ANKRD27: variants seen among roughly 807,000 people sequenced by gnomAD.
The protein encoded by ANKRD27 is ankyrin repeat domain-containing protein 27.
A neutral mutation model predicts 129.7 loss-of-function variants in ANKRD27; 112 were observed. The ratio of observed to expected loss-of-function variants is 0.86; its 90% CI spans 0.74 to 1.01. The LOEUF (loss-of-function observed/expected upper bound fraction) is 1.01, where lower values mean the gene tolerates loss of function less well. Among genes scored for constraint, ANKRD27 ranks in the 50% least tolerant of loss-of-function variants. The pLI, the probability that ANKRD27 is intolerant of heterozygous loss-of-function variation, is 0.00. For synonymous variants in ANKRD27, 516 were observed against 511.2 expected (o/e 1.01, Z -0.13); for missense variants, 1,258 against 1,300.5 (o/e 0.97, Z 0.50).
chr19:32,669,045 C>T (rs951895872), intron 1 of ANKRD27, among the ~76,000 whole-genome samples: 15 of 151,952 alleles, frequency 9.9e-5, no homozygotes, highest in African/African-American at 3.6e-4. Flanking sequence ...CTCCTGGCCT[C>T]AAGTAATCCT....
At chr19:32,656,758 C>T (rs774863113) in intron 2 of ANKRD27, among the ~76,000 whole-genome samples, 10 of 150,208 alleles carry the variant, frequency 6.7e-5, no homozygotes, top group Admixed American at 1.3e-4. Flanking sequence ...GTATTCTAGC[C>T]CAGGCTGGGG....
chr19:32,608,738 G>A (rs902843217), intron 22 of ANKRD27, among the ~76,000 whole-genome samples: 1 of 152,102 alleles, frequency 6.6e-6, no homozygotes, highest in South Asian at 2.1e-4. Context: ...GATCACCTGA[G>A]GTCAGGAGTT....
At position 32,628,022 on chromosome 19, in the gene ANKRD27, TCA is replaced by T. The variant is rs1199043293; in HGVS notation, c.1420+59_1420+60del. On this transcript the variant is annotated intron_variant, in intron 15 of 28. Coordinates refer to ENST00000306065, the MANE Select transcript of ANKRD27 (RefSeq NM_032139.3). ...CCATCAGCCAGGCCTCTCTGCTGGG[TCA>T]CCTTGGGCACCATCCCTTTGCTGTG... 2.8e-5 allele frequency: 43 copies of T among 1,510,716 alleles called. No individual in the cohort carries two copies. The Admixed American group carries it at 4.9e-4, about 17-fold the overall frequency. 93.6% of individuals were successfully genotyped at this position (1,510,716 alleles called of 1,614,324 possible).
Position 32,658,250 on chromosome 19 carries a change from G to A in ANKRD27, c.102+664C>T, listed in dbSNP as rs558396347. On this transcript the variant is annotated intron_variant, in intron 2 of 28. Transcript: ENST00000306065. ...CACCCGGGACACTGTGTCCCCCAGT[G>A]CCGTCTAAGTAGGATGCCCGCCAAG... 3.3e-5 allele frequency among the ~76,000 whole-genome samples: 5 copies of A among 152,272 alleles called. No homozygotes were observed. In the South Asian group the frequency reaches 8.3e-4, roughly 25 times the overall value.
At position 32,598,199 on chromosome 19, in the gene ANKRD27, C is replaced by G. The variant is rs777906137; in HGVS notation, c.3099G>C (p.Pro1033=). The G allele has an allele frequency of 6.2e-7, 1 of 1,614,112 alleles. No homozygotes were observed. The highest frequency in any genetic ancestry group is 8.5e-7 in the Non-Finnish European group (1 of 1,180,028). ...TVEDAVVSQG[P]EAAGPLSTPQ... ...GAGTGGAGAGGGGGCCAGCAGCCTC[C>G]GGGCCCTGGGACACGACCGCATCCT... The change falls in exon 29 of 29, where the codon CCG becomes CCC. Residue 1033 remains proline (P), a synonymous_variant. Coordinates refer to ENST00000306065, the MANE Select transcript of ANKRD27 (RefSeq NM_032139.3).
chr19:32,626,971 C>T, intron 15 of ANKRD27, 144 bp from the exon 16 acceptor site: 1 of 589,782 alleles, frequency 1.7e-6, no homozygotes, highest in Non-Finnish European at 3.0e-6. Context: ...AGAGGAACTA[C>T]AGCTAATATA....
chr19:32,608,050 G>T (rs1183282154), intron 22 of ANKRD27, among the ~76,000 whole-genome samples: 1 of 151,756 alleles, frequency 6.6e-6, no homozygotes, highest in Non-Finnish European at 1.5e-5. Flanking sequence ...GCCCAGGCTG[G>T]AGTGCAGTGG....
At chr19:32,642,167 G>A in intron 9 of ANKRD27, 22 bp from the exon 10 acceptor site, 1 of 1,567,572 alleles carries the variant, frequency 6.4e-7, no homozygotes, top group Non-Finnish European at 8.7e-7. Context: ...TTTGGAAAGT[G>A]ACAACTTCAG....
In ANKRD27 at chr19:32,659,005, T is replaced by C; in HGVS notation, c.11A>G (p.Tyr4Cys). 1.2e-6 allele frequency: 2 copies of C among 1,613,614 alleles called. No homozygotes were observed. Among genetic ancestry groups the C allele is most frequent in the Non-Finnish European group, 1.7e-6 (2 of 1,179,656 alleles). MAL[Y>C]DEDLLKNPFY... ...AGGATTTTTCAGGAGGTCTTCATCA[T>C]ACAGAGCCATATGGACTTCAGATGG... Residue 4 changes from tyrosine to cysteine, a missense_variant, in exon 2 of 29, where the codon TAT becomes TGT. Tyr to Cys is a radical substitution (Grantham distance 194). Transcript: ENST00000306065.
In ANKRD27 at chr19:32,632,415, T is replaced by C. The variant is rs539892756; in HGVS notation, c.1117-921A>G. 4.6e-5 allele frequency among the ~76,000 whole-genome samples: 7 copies of C among 151,752 alleles called. No homozygotes were observed. The South Asian group carries it at 1.5e-3, about 32-fold the overall frequency. On this transcript the variant is annotated intron_variant, in intron 12 of 28. Coordinates refer to ENST00000306065, the MANE Select transcript of ANKRD27 (RefSeq NM_032139.3). ...AGCCTGGCCAACATGGTGAAACCCC[T>C]CTCTACTAAAAATACAAAAATTAGC...
At chr19:32,663,505 T>C (rs1416780492) in intron 1 of ANKRD27, among the ~76,000 whole-genome samples, 3 of 152,230 alleles carry the variant, frequency 2.0e-5, no homozygotes, top group African/African-American at 7.2e-5. Context: ...TTTTTGTACA[T>C]GCTATAAATC....
At chr19:32,641,756 T>G (rs146875999) in intron 10 of ANKRD27, among the ~76,000 whole-genome samples, 29 of 142,510 alleles carry the variant, frequency 2.0e-4, no homozygotes, top group Non-Finnish European at 3.5e-4. Flanking sequence ...ACTTGTTTTC[T>G]TTTACTTCTT....
chr19:32,667,835 A>AAAC (rs1967790509), intron 1 of ANKRD27, among the ~76,000 whole-genome samples: 2 of 151,830 alleles, frequency 1.3e-5, no homozygotes, highest in East Asian at 1.9e-4. Context: ...TCCGTCTCAA[A>AAAC]AAAAAAAAAA....
At chr19:32,627,776 C>T (rs949430000) in intron 15 of ANKRD27, among the ~76,000 whole-genome samples, 1 of 152,228 alleles carries the variant, frequency 6.6e-6, no homozygotes. Flanking sequence ...GATTCTGAGA[C>T]CGTTCTCATA....
intron 28 of ANKRD27, 118 bp from the exon 29 acceptor site, chr19:32,598,496 G>A: frequency 2.3e-6 from 2 of 876,270 alleles, no homozygotes; most frequent in South Asian, 3.0e-5. Flanking sequence ...GTGCTTGACA[G>A]GCATAATTTC....
chr19:32,671,429 G>A (rs1288289496), intron 1 of ANKRD27, among the ~76,000 whole-genome samples: 1 of 152,226 alleles, frequency 6.6e-6, no homozygotes, highest in Non-Finnish European at 1.5e-5. Flanking sequence ...TGGGCACAGT[G>A]GCTCACACCT....
rs571175206 is a variant in ANKRD27 at position 32,625,077 on chromosome 19, G to A, written c.1629+797C>T. 2.0e-5 allele frequency among the ~76,000 whole-genome samples: 3 copies of A among 152,094 alleles called. No homozygotes were observed. In the South Asian group the frequency reaches 6.2e-4, roughly 32 times the overall value. On this transcript the variant is annotated intron_variant, in intron 17 of 28. Coordinates refer to ENST00000306065, the MANE Select transcript of ANKRD27 (RefSeq NM_032139.3). ...TCCAGACCAGCCTGGCCAACATGGTGAAACCCCGACTTTACTAAAAATACA... is the reference window on the plus strand; with the variant it reads ...TCCAGACCAGCCTGGCCAACATGGTAAAACCCCGACTTTACTAAAAATACA...
At chr19:32,621,546 T>C (rs1972010057) in intron 18 of ANKRD27, among the ~76,000 whole-genome samples, 1 of 152,086 alleles carries the variant, frequency 6.6e-6, no homozygotes, top group South Asian at 2.1e-4. Context: ...GAGAATCACT[T>C]GAACCTAGGA....
rs774919437 is a variant in ANKRD27, at chr19:32,628,161, A to G, written c.1342T>C (p.Leu448=). The change falls in exon 15 of 29, where the codon TTG becomes CTG. Residue 448 remains leucine (L), a synonymous_variant. Transcript: ENST00000306065. The part of the protein sequence containing the change: ...DDCEKLVSGR[L]NDPSVVTPFS... ...GGAGTGACAACTGAGGGATCATTCA[A>G]CCTCCTAAAATACAGAAAGAGATAG... 3 of 1,613,860 alleles carry G rather than the reference A, an allele frequency of 1.9e-6. No individual in the cohort carries two copies. The highest frequency in any genetic ancestry group is 3.3e-5 in the Admixed American group (2 of 60,022).
Sources: gnomAD v4.1 joint callset for allele counts (sites outside exome capture counted in the v4.1 genomes callset) on GRCh38, gnomAD v4.1.1 for gene constraint, MANE v1.5 for transcripts, NCBI Gene and HGNC (gene_info 2026-07-23, HGNC 2026-07-21) for gene names.